STK32B: variants seen among roughly 807,000 people sequenced by gnomAD.
STK32B encodes serine/threonine-protein kinase 32B.
In STK32B, 43 loss-of-function variants were observed where a neutral mutation model predicts 52.6. The ratio of observed to expected loss-of-function variants is 0.82; its 90% confidence interval spans 0.64 to 1.05. STK32B has a LOEUF of 1.05. Ranked by LOEUF, STK32B falls within the 50% of genes least tolerant of loss-of-function variation. The pLI, the probability that STK32B is intolerant of heterozygous loss-of-function variation, is 0.00. For synonymous variants in STK32B, 238 were observed against 204.3 expected (o/e 1.17, Z -1.41); for missense variants, 621 against 534.6 (o/e 1.16, Z -1.59).
chr4:5,460,271 G>A lies in STK32B; in HGVS notation c.909+43G>A, dbSNP rs910508837. 6.4e-7 allele frequency: 1 copy of A among 1,574,432 alleles called. No homozygotes were observed. The highest frequency in any genetic ancestry group is 8.6e-7 in the Non-Finnish European group (1 of 1,160,574). On this transcript the variant is annotated intron_variant, in intron 9 of 11. Coordinates refer to ENST00000282908, the MANE Select transcript of STK32B (RefSeq NM_018401.3). The surrounding 1 kb of genome is among the most constrained non-coding windows in gnomAD (Gnocchi z 4.8). ...CTGATGTCATGCCACCCCTCTGCAG[G>A]GTCCCCGCCTTGGTGCAAAGCAAGA...
At chr4:5,178,219 A>G (rs1033417184) in intron 3 of STK32B, among the ~76,000 whole-genome samples, 10 of 152,258 alleles carry the variant, frequency 6.6e-5, no homozygotes, top group South Asian at 2.1e-4. Context: ...CTTGATTTCT[A>G]TGCATCCATA....
intron 6 of STK32B, among the ~76,000 whole-genome samples, chr4:5,430,739 G>A (rs1713509787): frequency 1.3e-5 from 2 of 152,186 alleles, no homozygotes; most frequent in African/African-American, 4.8e-5. Flanking sequence ...AATCTAATTA[G>A]TAGTTGAGCT....
At chr4:5,107,245 C>T (rs993041005) in intron 1 of STK32B, among the ~76,000 whole-genome samples, 1 of 151,994 alleles carries the variant, frequency 6.6e-6, no homozygotes, top group Non-Finnish European at 1.5e-5. Flanking sequence ...TCTCCCATCA[C>T]CCCAAAATGA....
intron 6 of STK32B, among the ~76,000 whole-genome samples, chr4:5,427,969 A>G (rs1162469178): frequency 6.6e-6 from 1 of 151,610 alleles, no homozygotes; most frequent in African/African-American, 2.4e-5. Flanking sequence ...TTCTTATTCT[A>G]GTCTCTTAAG....
chr4:5,153,218 G>A (rs1717516059), intron 2 of STK32B, among the ~76,000 whole-genome samples: 3 of 152,188 alleles, frequency 2.0e-5, no homozygotes, highest in African/African-American at 7.2e-5. Flanking sequence ...GGTTTTGGAT[G>A]CAACAGGGCA....
At chr4:5,324,431 A>G (rs1385549022) in intron 3 of STK32B, among the ~76,000 whole-genome samples, 1 of 152,126 alleles carries the variant, frequency 6.6e-6, no homozygotes, top group Non-Finnish European at 1.5e-5. Context: ...GTTAACTGTT[A>G]TTATTATAAG....
chr4:5,360,851 A>G (rs897736042), intron 4 of STK32B, among the ~76,000 whole-genome samples: 2 of 152,226 alleles, frequency 1.3e-5, no homozygotes, highest in Non-Finnish European at 2.9e-5. Flanking sequence ...CTGTGGTAAA[A>G]TACACATAAC....
Position 5,386,256 on chromosome 4 carries a change from GT to G in STK32B, c.435-11947del, listed in dbSNP as rs1736251081. Among the ~76,000 whole-genome samples the G allele has an allele frequency of 6.6e-6, 1 of 152,018 alleles. No individual in the cohort carries two copies. Among genetic ancestry groups the G allele is most frequent in the African/African-American group, 2.4e-5 (1 of 41,378 alleles). On this transcript the variant is annotated intron_variant, in intron 4 of 11. Coordinates refer to ENST00000282908, the MANE Select transcript of STK32B (RefSeq NM_018401.3). The surrounding 1 kb of genome is among the most constrained non-coding windows in gnomAD (Gnocchi z 4.5). ...GCAGTTTTATCTTTGACTGTCTCTTGTTTTCTTAGCTCCTGGGTAAGCTCCA... is the reference window on the plus strand; with the variant it reads ...GCAGTTTTATCTTTGACTGTCTCTTGTTTCTTAGCTCCTGGGTAAGCTCCA...
rs150895213 is a variant in STK32B, at chr4:5,404,551, A to G, written c.472+6307A>G. Among the ~76,000 whole-genome samples, 1,038 of 152,192 alleles carry G rather than the reference A, an allele frequency of 6.8e-3. 13 individuals are homozygous for G. The highest frequency in any genetic ancestry group is 0.011 in the Non-Finnish European group (724 of 68,012). On this transcript the variant is annotated intron_variant, in intron 5 of 11. Transcript: ENST00000282908. ...CACTACTGAAAATCCTTAACATTAC[A>G]TAGTACATTCATTCATTCACTAGAC...
intron 5 of STK32B, among the ~76,000 whole-genome samples, chr4:5,404,325 T>C (rs1737508887): frequency 6.6e-6 from 1 of 152,132 alleles, no homozygotes; most frequent in Non-Finnish European, 1.5e-5. Flanking sequence ...AGCATAACTC[T>C]GCTCTTCACA....
At chr4:5,086,401 G>A (rs2108779389) in intron 1 of STK32B, among the ~76,000 whole-genome samples, 1 of 152,238 alleles carries the variant, frequency 6.6e-6, no homozygotes, top group East Asian at 1.9e-4. Context: ...ATAGTCGTTA[G>A]ATGACCACTA....
intron 6 of STK32B, among the ~76,000 whole-genome samples, chr4:5,417,253 A>C (rs1712244492): frequency 6.6e-6 from 1 of 152,216 alleles, no homozygotes; most frequent in South Asian, 2.1e-4. Context: ...TCCAGAATTT[A>C]ACTTGGTGGT....
intron 7 of STK32B, among the ~76,000 whole-genome samples, chr4:5,455,675 C>T (rs1306108140): frequency 6.6e-6 from 1 of 152,110 alleles, no homozygotes; most frequent in African/African-American, 2.4e-5. Context: ...GGTCAGCGTT[C>T]GCTCAGCACC....
chr4:5,286,218 C>G (rs1044610158), intron 3 of STK32B, among the ~76,000 whole-genome samples: 1 of 152,244 alleles, frequency 6.6e-6, no homozygotes, highest in Non-Finnish European at 1.5e-5. Flanking sequence ...CAAAGAAACT[C>G]AAAACTACAT....
chr4:5,319,065 A>G (rs943955786), intron 3 of STK32B, among the ~76,000 whole-genome samples: 1 of 152,094 alleles, frequency 6.6e-6, no homozygotes, highest in Non-Finnish European at 1.5e-5. Flanking sequence ...TGGCCTCCCA[A>G]AGTGCTGGGA....
chr4:5,281,605 A>T (rs1044408170), intron 3 of STK32B, among the ~76,000 whole-genome samples: 12 of 152,310 alleles, frequency 7.9e-5, no homozygotes, highest in African/African-American at 2.9e-4. Flanking sequence ...CTTAAAATTT[A>T]AAAAAGAAGA....
At chr4:5,238,520 A>G (rs1056242980) in intron 3 of STK32B, among the ~76,000 whole-genome samples, 14 of 152,314 alleles carry the variant, frequency 9.2e-5, no homozygotes, top group South Asian at 8.3e-4. Flanking sequence ...CTCAGATTAC[A>G]CATGAACATG....
the STK32B span, among the ~76,000 whole-genome samples, chr4:5,024,237 A>G: frequency 1.3e-5 from 2 of 152,208 alleles, no homozygotes; most frequent in African/African-American, 2.4e-5. Context: ...AATAAGCTCT[A>G]TGTAAGGGAG....
chr4:5,065,415 C>T (rs745692551), intron 1 of STK32B, among the ~76,000 whole-genome samples: 1 of 152,156 alleles, frequency 6.6e-6, no homozygotes, highest in Non-Finnish European at 1.5e-5. Flanking sequence ...GGCATTGTTG[C>T]CACAATAGGC....
Sources: gnomAD v4.1 joint callset for allele counts (sites outside exome capture counted in the v4.1 genomes callset) on GRCh38, gnomAD v4.1.1 for gene constraint, Gnocchi (gnomAD v3.1) non-coding constraint, MANE v1.5 for transcripts, NCBI Gene and HGNC (gene_info 2026-07-23, HGNC 2026-07-21) for gene names.